FREM3: variants seen among roughly 807,000 people sequenced by gnomAD.
The protein encoded by FREM3 is FRAS1 related extracellular matrix 3.
FREM3 carries 105 observed loss-of-function variants against 129.1 expected under a neutral mutation model. The observed-to-expected ratio is 0.81, with a 90% CI of 0.69 to 0.96. FREM3 has a LOEUF of 0.96. Ranked by LOEUF, FREM3 falls within the 40% of genes least tolerant of loss-of-function variation. The probability of loss-of-function intolerance (pLI) is 0.00; values close to 1 mark genes in which losing one functional copy is unlikely to be tolerated. For missense variants in FREM3, 2,593 were observed against 2,666.3 expected (o/e 0.97, Z 0.61); for synonymous variants, 1,014 against 1,044.9 (o/e 0.97, Z 0.57).
chr4:143,600,936 C>G (rs1245104291), intron 6 of FREM3, among the ~76,000 whole-genome samples: 1 of 150,946 alleles, frequency 6.6e-6, no homozygotes, highest in African/African-American at 2.4e-5. Context: ...TCTGGGAATG[C>G]TCTTTTCTCC....
chr4:143,694,159 A>G (rs902412516), intron 1 of FREM3, among the ~76,000 whole-genome samples: 4 of 152,208 alleles, frequency 2.6e-5, no homozygotes, highest in Non-Finnish European at 5.9e-5. Context: ...ATAAAAGTTA[A>G]GAAACCCTGA....
intron 6 of FREM3, among the ~76,000 whole-genome samples, chr4:143,586,489 C>A: frequency 6.6e-6 from 1 of 151,952 alleles, no homozygotes; most frequent in East Asian, 1.9e-4. Flanking sequence ...AGATGGAAAT[C>A]CTGGGGCAGT....
chr4:143,577,862 A>G lies in FREM3; in HGVS notation c.6179-10T>C, dbSNP rs748066319. 1.3e-4 allele frequency: 204 copies of G among 1,533,308 alleles called. No homozygotes were observed. Among genetic ancestry groups the G allele is most frequent in the Middle Eastern group, 3.5e-4 (2 of 5,728 alleles). The allele number at this position is 1,533,308 out of a possible 1,614,324, so 95.0% of individuals were successfully genotyped here. ...ACATAATCTGTTCCAGCTAGTGAAA[A>G]AGGAAAAGGCACTGGTGAGACAGTA... On this transcript the variant is annotated splice_polypyrimidine_tract_variant and intron_variant, in intron 7 of 7. Transcript: ENST00000329798.
Position 143,696,689 on chromosome 4 carries a change from G to A in FREM3, c.3987C>T (p.Ile1329=). The part of the protein sequence containing the change: ...KGHSEIITNR[I]LKATDLDSDD... ...CTGAGTCAAGATCTGTGGCCTTGAGGATCCGATTTGTGATGATCTCAGAGT... is the reference window on the plus strand; with the variant it reads ...CTGAGTCAAGATCTGTGGCCTTGAGAATCCGATTTGTGATGATCTCAGAGT... The change falls in exon 1 of 8, where the codon ATC becomes ATT. Residue 1329 remains isoleucine (I), a synonymous_variant. Coordinates refer to ENST00000329798, the MANE Select transcript of FREM3 (RefSeq NM_001168235.2). The A allele has an allele frequency of 6.5e-7, 1 of 1,537,548 alleles. No individual in the cohort carries two copies. Among genetic ancestry groups the A allele is most frequent in the Non-Finnish European group, 8.7e-7 (1 of 1,147,000 alleles).
At chr4:143,589,882 G>A (rs113302615) in intron 6 of FREM3, among the ~76,000 whole-genome samples, 6 of 152,166 alleles carry the variant, frequency 3.9e-5, no homozygotes, top group Non-Finnish European at 7.3e-5. Flanking sequence ...AGCATGGAAT[G>A]TTCTTCCATT....
chr4:143,594,737 A>G (rs1738436899), intron 6 of FREM3, among the ~76,000 whole-genome samples: 1 of 152,198 alleles, frequency 6.6e-6, no homozygotes, highest in African/African-American at 2.4e-5. Context: ...AGAGGAGGGT[A>G]GTGTCACTTG....
chr4:143,611,168 A>T, intron 6 of FREM3, 111 bp downstream of exon 6: 1 of 1,218,538 alleles, frequency 8.2e-7, no homozygotes, highest in Non-Finnish European at 1.1e-6. Context: ...ATAAAAGAAC[A>T]TCAAATATTC....
chr4:143,658,119 C>G (rs1739633594), intron 2 of FREM3, among the ~76,000 whole-genome samples: 1 of 152,198 alleles, frequency 6.6e-6, no homozygotes, highest in Admixed American at 6.5e-5. Flanking sequence ...ATAGTGCAAA[C>G]AAAGTTATGT....
chr4:143,629,891 A>C (rs2149843573), intron 2 of FREM3, among the ~76,000 whole-genome samples: 1 of 152,278 alleles, frequency 6.6e-6, no homozygotes, highest in South Asian at 2.1e-4. Context: ...TGTGGGTTAG[A>C]GATCAATGCA....
intron 5 of FREM3, among the ~76,000 whole-genome samples, chr4:143,620,197 A>G (rs1234185718): frequency 6.6e-6 from 1 of 152,092 alleles, no homozygotes; most frequent in Non-Finnish European, 1.5e-5. Flanking sequence ...AACCAATCAT[A>G]TAGGATGCCT....
At chr4:143,603,145 C>T (rs1420048867) in intron 6 of FREM3, among the ~76,000 whole-genome samples, 1 of 152,096 alleles carries the variant, frequency 6.6e-6, no homozygotes, top group Non-Finnish European at 1.5e-5. Flanking sequence ...TATCATGTCT[C>T]TTGTGGGTCT....
At chr4:143,661,626 C>G (rs1231236540) in intron 2 of FREM3, among the ~76,000 whole-genome samples, 2 of 152,004 alleles carry the variant, frequency 1.3e-5, no homozygotes, top group African/African-American at 2.4e-5. Context: ...GGAGGATTCC[C>G]TCTTTTTCTA....
Position 143,624,145 on chromosome 4 carries a change from T to A in FREM3, c.5616A>T (p.Pro1872=), listed in dbSNP as rs1482442998. 6.5e-7 allele frequency: 1 copy of A among 1,536,658 alleles called. No individual in the cohort carries two copies. ...CTACAATTTCAACCGTTGCCATTTC[T>A]GGAAACTCCAGTACAGCCATGAGAG... ...SEPLMAVLEF[P]EMATVEIVDP... is the part of the protein sequence containing the mutation. Residue 1872 remains proline, a synonymous_variant, in exon 4 of 8, where the codon CCA becomes CCT. Transcript: ENST00000329798.
chr4:143,676,689 C>A (rs960417301), intron 2 of FREM3, among the ~76,000 whole-genome samples: 2 of 152,168 alleles, frequency 1.3e-5, no homozygotes, highest in Non-Finnish European at 2.9e-5. Flanking sequence ...GCAACTTCAG[C>A]AAAGTCTCAG....
intron 2 of FREM3, among the ~76,000 whole-genome samples, chr4:143,686,504 C>T (rs564025486): frequency 3.7e-4 from 57 of 152,240 alleles, no homozygotes; most frequent in African/African-American, 1.3e-3. Context: ...AACACTGTAT[C>T]CAGCAATAGC....
At chr4:143,671,776 C>T (rs74514014) in intron 2 of FREM3, among the ~76,000 whole-genome samples, 171 of 152,172 alleles carry the variant, frequency 1.1e-3, no homozygotes, top group Non-Finnish European at 2.2e-3. Flanking sequence ...AAACTAGGTG[C>T]GAAGAATTCT....
chr4:143,662,065 AG>A (rs1421678106), intron 2 of FREM3, among the ~76,000 whole-genome samples: 1 of 151,750 alleles, frequency 6.6e-6, no homozygotes, highest in Non-Finnish European at 1.5e-5. Flanking sequence ...GATTTTTTGA[AG>A]GGTTTTTTGT....
intron 6 of FREM3, 124 bp from the exon 7 acceptor site, chr4:143,586,117 G>T (rs1578821221): frequency 1.1e-6 from 1 of 899,048 alleles, no homozygotes; most frequent in Non-Finnish European, 1.6e-6. Flanking sequence ...CATAGGTCTT[G>T]TTTTTTTATA....
chr4:143,627,621 T>C lies in FREM3; in HGVS notation c.5415A>G (p.Ser1805=). 1 of 1,536,152 alleles carries C rather than the reference T, an allele frequency of 6.5e-7. No individual in the cohort carries two copies. The highest frequency in any genetic ancestry group is 2.4e-5 in the East Asian group (1 of 40,874). The change falls in exon 3 of 8, where the codon TCA becomes TCG. Residue 1805 remains serine (S), a synonymous_variant. Transcript: ENST00000329798. ...CAATCCAAAGTTACTTACTGATAAA[T>C]GATGTTTCTCCAAGGTATCCTCTGC... ...LTRRGYLGET[S]FISIGTKDET... is the part of the protein sequence containing the mutation.
Sources: gnomAD v4.1 joint callset for allele counts (sites outside exome capture counted in the v4.1 genomes callset) on GRCh38, gnomAD v4.1.1 for gene constraint, MANE v1.5 for transcripts, NCBI Gene and HGNC (gene_info 2026-07-23, HGNC 2026-07-21) for gene names.